The following PKP2 variants were observed in gnomAD, a reference collection of about 807,000 sequenced individuals.
PKP2 encodes the protein plakophilin-2.
In PKP2, 73 loss-of-function variants were observed where a neutral mutation model predicts 83.4. The observed-to-expected ratio is 0.88, with a 90% CI of 0.72 to 1.06. The LOEUF is 1.06. PKP2 is among the 50% of genes least tolerant of loss of function. The pLI is 0.00. For synonymous variants in PKP2, 409 were observed against 430.4 expected (o/e 0.95, Z 0.62); for missense variants, 966 against 1,065.4 (o/e 0.91, Z 1.30).
chr12:32,808,577 T>C lies in PKP2; in HGVS notation c.2014-6021A>G, dbSNP rs1367206085. ...CAGTTCCGAGGCCTTGCTGGAGAGG[T>C]GTTGCATTCACCTGGAGAAGAGGCA... On this transcript the variant is annotated intron_variant, in intron 9 of 12. Transcript: ENST00000340811. 3.3e-5 allele frequency among the ~76,000 whole-genome samples: 5 copies of C among 152,218 alleles called. No individual in the cohort carries two copies. The East Asian group carries it at 9.6e-4, about 29-fold the overall frequency.
rs543265720 is a variant in PKP2 at position 32,893,227 on chromosome 12, GT to G, written c.223+3281del. On this transcript the variant is annotated intron_variant, in intron 1 of 12. Coordinates refer to ENST00000340811, the MANE Select transcript of PKP2 (RefSeq NM_001005242.3). ...GTTATCCGCTGTCTCAACCTTACAG[GT>G]TTGTCAACAACTCAGAATTCTCCAG... The G allele has an allele frequency of 1.7e-3, 255 of 152,262 alleles. 2 individuals carry two copies. Among genetic ancestry groups the G allele is most frequent in the African/African-American group, 5.9e-3 (245 of 41,562 alleles). 9.4% of individuals were successfully genotyped at this position (152,262 alleles called of 1,614,324 possible).
chr12:32,804,668 G>C (rs1386897829), intron 9 of PKP2, among the ~76,000 whole-genome samples: 2 of 152,158 alleles, frequency 1.3e-5, no homozygotes, highest in Non-Finnish European at 2.9e-5. Flanking sequence ...TCCATGGTGT[G>C]TATGTATGAC....
chr12:32,797,560 C>CTTTTTTTTTTTTT (rs751510872), intron 10 of PKP2, among the ~76,000 whole-genome samples: 2 of 132,740 alleles, frequency 1.5e-5, no homozygotes, highest in Non-Finnish European at 1.6e-5. Context: ...GAACTAAAAT[C>CTTTTTTTTTTTTT]TTTTTTTTTT....
Position 32,824,076 on chromosome 12 carries a change from CCT to C in PKP2, c.1641_1642del (p.Gly548AsnfsTer9). ...ATCTGGCTGGTAATCTGCAATGGTT[CCT>C]CTGACATAATGGACCAGTGAGTCAA... On this transcript the variant is annotated frameshift_variant, in exon 7 of 13. Coordinates refer to ENST00000340811, the MANE Select transcript of PKP2 (RefSeq NM_001005242.3). LOFTEE classifies it high-confidence loss of function. 1 of 1,607,204 alleles carries C rather than the reference CCT, an allele frequency of 6.2e-7. No individual in the cohort carries two copies.
chr12:32,869,359 CGGA>C (rs1335436702), intron 3 of PKP2, among the ~76,000 whole-genome samples: 2 of 151,680 alleles, frequency 1.3e-5, no homozygotes, highest in Non-Finnish European at 2.9e-5. Flanking sequence ...CTGAGGTGGG[CGGA>C]TCACTTGAGG....
chr12:32,798,124 G>A (rs1279505616), intron 10 of PKP2, among the ~76,000 whole-genome samples: 2 of 86,970 alleles, frequency 2.3e-5, no homozygotes, highest in Admixed American at 1.6e-4. Flanking sequence ...CGCTCTTGTT[G>A]CCCAGGCTGG....
chr12:32,845,081 G>A (rs982897510), intron 5 of PKP2, among the ~76,000 whole-genome samples: 3 of 152,004 alleles, frequency 2.0e-5, no homozygotes, highest in Admixed American at 1.3e-4. Flanking sequence ...TCTACCATGA[G>A]GCTCTCATTC....
At chr12:32,868,818 G>A (rs1416824393) in intron 4 of PKP2, 109 bp downstream of exon 4, 19 of 1,244,072 alleles carry the variant, frequency 1.5e-5, no homozygotes, top group Middle Eastern at 2.6e-4. Context: ...CACCACGCAC[G>A]GTCCCAATTT....
chr12:32,895,906 C>T lies in PKP2; in HGVS notation c.223+603G>A, dbSNP rs188667588. Among the ~76,000 whole-genome samples the T allele has an allele frequency of 5.3e-5, 8 of 152,278 alleles. No homozygotes were observed. The East Asian group carries it at 1.5e-3, about 29-fold the overall frequency. On this transcript the variant is annotated intron_variant, in intron 1 of 12. Coordinates refer to ENST00000340811, the MANE Select transcript of PKP2 (RefSeq NM_001005242.3). ...CTACCTCCTCCTCGGCGTGTTTGTT[C>T]CCTGGACCAAAGCCTCCTAACTACT...
rs750028032 is a variant in PKP2 at position 32,878,997 on chromosome 12, C to G, written c.259G>C (p.Val87Leu). ...TTTTCAACCAAGTGTAGGTTGTAGA[C>G]ATACTCAGGAACACTGCTGGTTCGG... Reference protein sequence around the residue: ...LHRTSSVPEYVYNLHLVENDF... With the variant: ...LHRTSSVPEYLYNLHLVENDF... Residue 87 changes from valine to leucine, a missense_variant, in exon 2 of 13, where the codon GTC becomes CTC. Physicochemically the swap from Val to Leu is conservative, Grantham distance 32. Coordinates refer to ENST00000340811, the MANE Select transcript of PKP2 (RefSeq NM_001005242.3). 18 of 1,604,804 alleles carry G rather than the reference C, an allele frequency of 1.1e-5. No homozygotes were observed. Among genetic ancestry groups the G allele is most frequent in the Non-Finnish European group, 1.4e-5 (16 of 1,173,342 alleles).
chr12:32,847,853 C>A (rs1956661218), intron 5 of PKP2, among the ~76,000 whole-genome samples: 2 of 152,046 alleles, frequency 1.3e-5, no homozygotes, highest in South Asian at 4.1e-4. Flanking sequence ...GTAGTCCCAG[C>A]TACTGAGGAG....
intron 9 of PKP2, among the ~76,000 whole-genome samples, chr12:32,812,134 G>A (rs533261131): frequency 1.4e-3 from 167 of 122,864 alleles, no homozygotes; most frequent in African/African-American, 4.8e-3. Flanking sequence ...TTTTTTTTCT[G>A]CTTGAGGATG....
At chr12:32,794,903 T>C (rs1297746431) in intron 11 of PKP2, among the ~76,000 whole-genome samples, 2 of 152,144 alleles carry the variant, frequency 1.3e-5, no homozygotes. Context: ...GGGCCTAAAT[T>C]GGGTGGGGCT....
At chr12:32,869,257 T>C (rs766905868) in intron 3 of PKP2, among the ~76,000 whole-genome samples, 195 bp from the exon 4 acceptor site, 2 of 151,914 alleles carry the variant, frequency 1.3e-5, no homozygotes, top group Non-Finnish European at 2.9e-5. Context: ...TTCTTCAGCT[T>C]TGATCAGATA....
At chr12:32,830,821 A>G (rs1258503843) in intron 6 of PKP2, among the ~76,000 whole-genome samples, 1 of 151,740 alleles carries the variant, frequency 6.6e-6, no homozygotes, top group African/African-American at 2.4e-5. Flanking sequence ...CAGGAGAATC[A>G]CTTGAACCTG....
intron 1 of PKP2, among the ~76,000 whole-genome samples, chr12:32,885,444 A>G (rs1241646753): frequency 6.6e-6 from 1 of 152,190 alleles, no homozygotes; most frequent in Non-Finnish European, 1.5e-5. Context: ...ACTTGAGGTC[A>G]GGAGTTTGAG....
At chr12:32,813,451 A>G (rs1006894054) in intron 9 of PKP2, among the ~76,000 whole-genome samples, 1 of 152,188 alleles carries the variant, frequency 6.6e-6, no homozygotes, top group African/African-American at 2.4e-5. Flanking sequence ...TATTGTTTTT[A>G]TAATTTAGTC....
intron 5 of PKP2, among the ~76,000 whole-genome samples, chr12:32,844,027 C>A (rs1220301776): frequency 6.6e-6 from 1 of 152,156 alleles, no homozygotes; most frequent in East Asian, 1.9e-4. Flanking sequence ...AAAAAGTACA[C>A]CTTACAATAA....
chr12:32,813,796 AT>A (rs1445720644), intron 9 of PKP2, among the ~76,000 whole-genome samples: 1 of 152,008 alleles, frequency 6.6e-6, no homozygotes, highest in East Asian at 1.9e-4. Flanking sequence ...AAAAAAAAAA[AT>A]AAGGAGGAAG....
Sources: allele counts gnomAD v4.1 joint callset (sites outside exome capture counted in the v4.1 genomes callset), GRCh38; gene constraint gnomAD v4.1.1; transcripts MANE v1.5; gene names NCBI Gene and HGNC (gene_info 2026-07-23, HGNC 2026-07-21).